KIF6: variants seen among roughly 807,000 people sequenced by gnomAD.
The protein encoded by KIF6 is kinesin family member 6.
In KIF6, 106 loss-of-function variants were observed where a neutral mutation model predicts 112.7. The observed-to-expected ratio is 0.94, with a 90% CI of 0.80 to 1.11. The LOEUF (loss-of-function observed/expected upper bound fraction) is 1.11, where lower values mean the gene tolerates loss of function less well. Ranked by LOEUF, KIF6 falls within the 50% of genes least tolerant of loss-of-function variation. The probability of loss-of-function intolerance (pLI) is 0.00; values close to 1 mark genes in which losing one functional copy is unlikely to be tolerated. For missense variants in KIF6, 929 were observed against 964.0 expected (o/e 0.96, Z 0.48); for synonymous variants, 339 against 339.9 (o/e 1.00, Z 0.03).
intron 10 of KIF6, among the ~76,000 whole-genome samples, chr6:39,568,182 C>T (rs73414695): frequency 0.018 from 2,797 of 152,240 alleles, 73 homozygotes; most frequent in African/African-American, 0.061. Flanking sequence ...GACAATGAAA[C>T]ATTAAACAGG....
chr6:39,501,631 A>C (rs2150492985), intron 13 of KIF6, among the ~76,000 whole-genome samples: 1 of 152,334 alleles, frequency 6.6e-6, no homozygotes, highest in South Asian at 2.1e-4. Flanking sequence ...TAGAGAGAGG[A>C]GCATAACCGA....
intron 13 of KIF6, among the ~76,000 whole-genome samples, chr6:39,447,241 G>A (rs1043051076): frequency 5.9e-5 from 9 of 152,098 alleles, no homozygotes; most frequent in African/African-American, 2.2e-4. Flanking sequence ...ACAGGACAGG[G>A]GCTTTCCACC....
intron 19 of KIF6, among the ~76,000 whole-genome samples, chr6:39,352,210 T>G (rs957037066): frequency 2.0e-5 from 3 of 152,376 alleles, no homozygotes; most frequent in African/African-American, 7.2e-5. Flanking sequence ...TCAGTTTTCC[T>G]TATTATTAAC....
At chr6:39,377,919 G>C (rs1766581529) in intron 16 of KIF6, among the ~76,000 whole-genome samples, 1 of 152,204 alleles carries the variant, frequency 6.6e-6, no homozygotes, top group African/African-American at 2.4e-5. Flanking sequence ...GCAGTGAGAA[G>C]AGGGAGGAGG....
At chr6:39,461,654 T>C (rs116231908) in intron 13 of KIF6, among the ~76,000 whole-genome samples, 15 of 152,322 alleles carry the variant, frequency 9.8e-5, no homozygotes, top group Non-Finnish European at 1.8e-4. Flanking sequence ...ACTATACTCA[T>C]TTGCATGTTT....
At chr6:39,698,875 T>A (rs1788706554) in intron 3 of KIF6, among the ~76,000 whole-genome samples, 1 of 152,216 alleles carries the variant, frequency 6.6e-6, no homozygotes, top group South Asian at 2.1e-4. Context: ...TTTTCATTAA[T>A]TAAAATCAAT....
At chr6:39,383,784 A>G (rs1767174368) in intron 16 of KIF6, among the ~76,000 whole-genome samples, 1 of 152,234 alleles carries the variant, frequency 6.6e-6, no homozygotes, top group Admixed American at 6.5e-5. Context: ...CCAATTCATG[A>G]GCATGGAATG....
At chr6:39,589,451 C>T (rs553923446) in intron 7 of KIF6, among the ~76,000 whole-genome samples, 10 of 152,344 alleles carry the variant, frequency 6.6e-5, no homozygotes, top group South Asian at 4.1e-4. Context: ...ACCCCCACTG[C>T]GGAGAACAGT....
Position 39,525,584 on chromosome 6 carries a change from G to A in KIF6, c.1645+14419C>T, listed in dbSNP as rs368529293. Among the ~76,000 whole-genome samples the A allele has an allele frequency of 6.6e-5, 10 of 151,996 alleles. No individual in the cohort carries two copies. The South Asian group carries it at 8.3e-4, about 13-fold the overall frequency. ...AGCCTGGCCAACATGGCAAAACCCCGTCTCTACTAAAAATACAAAAATTAG... is the reference window on the plus strand; with the variant it reads ...AGCCTGGCCAACATGGCAAAACCCCATCTCTACTAAAAATACAAAAATTAG... On this transcript the variant is annotated intron_variant, in intron 13 of 22. Transcript: ENST00000287152.
At chr6:39,510,016 G>C (rs1776673373) in intron 13 of KIF6, among the ~76,000 whole-genome samples, 1 of 151,936 alleles carries the variant, frequency 6.6e-6, no homozygotes, top group South Asian at 2.1e-4. Context: ...AAGCCCATCA[G>C]ACTAACAGCA....
At position 39,596,238 on chromosome 6, in the gene KIF6, G is replaced by A. The variant is rs747580524; in HGVS notation, c.662C>T (p.Thr221Ile). 3 of 1,613,878 alleles carry A rather than the reference G, an allele frequency of 1.9e-6. No individual in the cohort carries two copies. In the South Asian group the frequency reaches 3.3e-5, roughly 18 times the overall value. The change falls in exon 7 of 23, where the codon ACC becomes ATC. Residue 221 changes from threonine (T) to isoleucine (I), a missense_variant. This residue lies in a region of KIF6 where 688 missense variants were observed against 662.7 expected (regional missense o/e 1.04). Transcript: ENST00000287152. Reference protein sequence around the residue: ...IAETPMNQASTRSHCIFTIHL... With the variant: ...IAETPMNQASIRSHCIFTIHL... ...AATGGTGAAAATGCAGTGGGAACGGGTTGAAGCTTGGTTCATAGGAGTCTA... is the reference window on the plus strand; with the variant it reads ...AATGGTGAAAATGCAGTGGGAACGGATTGAAGCTTGGTTCATAGGAGTCTA...
chr6:39,565,659 A>G (rs1329234717), intron 10 of KIF6, among the ~76,000 whole-genome samples: 2 of 152,234 alleles, frequency 1.3e-5, no homozygotes, highest in Non-Finnish European at 1.5e-5. Flanking sequence ...CTACCTCAAA[A>G]CAAAGCAAAA....
intron 13 of KIF6, among the ~76,000 whole-genome samples, chr6:39,468,791 A>C (rs996767178): frequency 3.9e-5 from 6 of 152,028 alleles, no homozygotes; most frequent in Non-Finnish European, 8.8e-5. Flanking sequence ...CACCAGTAAA[A>C]GTAATTATAT....
intron 3 of KIF6, among the ~76,000 whole-genome samples, chr6:39,643,203 G>A (rs1312387610): frequency 6.6e-6 from 1 of 152,128 alleles, no homozygotes; most frequent in Non-Finnish European, 1.5e-5. Flanking sequence ...AGTTCAGCAG[G>A]ATTGTAGGGT....
chr6:39,343,014 C>T lies in KIF6; in HGVS notation c.2428+695G>A. On this transcript the variant is annotated intron_variant, in intron 22 of 22. Coordinates refer to ENST00000287152, the MANE Select transcript of KIF6 (RefSeq NM_145027.6). This position sits in a 1 kb window ranked among gnomAD's most constrained non-coding sequence, Gnocchi z 4.1. Reference sequence around the variant, plus strand: ...TAGCCTTTGGGTTATGGGGAGGAGGCTAAGACAAAATGCAGGCCTGGGGTA... The same window carrying T: ...TAGCCTTTGGGTTATGGGGAGGAGGTTAAGACAAAATGCAGGCCTGGGGTA... 1.0e-6 allele frequency: 1 copy of T among 985,400 alleles called. No individual in the cohort carries two copies. The highest frequency in any genetic ancestry group is 1.2e-6 in the Non-Finnish European group (1 of 829,924). The allele number at this position is 985,400 out of a possible 1,614,324, so 61.0% of individuals were successfully genotyped here.
chr6:39,416,622 G>A (rs929252438), intron 15 of KIF6, among the ~76,000 whole-genome samples: 1 of 152,090 alleles, frequency 6.6e-6, no homozygotes, highest in Non-Finnish European at 1.5e-5. Flanking sequence ...TAGTTGGGTT[G>A]GCTTCTTTTA....
chr6:39,662,709 A>G (rs760052576), intron 3 of KIF6, among the ~76,000 whole-genome samples: 4 of 152,004 alleles, frequency 2.6e-5, no homozygotes, highest in Non-Finnish European at 4.4e-5. Flanking sequence ...CCCTATCTCA[A>G]AAAAAATTAT....
At chr6:39,601,442 G>A (rs1782566002) in intron 6 of KIF6, among the ~76,000 whole-genome samples, 1 of 152,034 alleles carries the variant, frequency 6.6e-6, no homozygotes, top group African/African-American at 2.4e-5. Flanking sequence ...AATTAAACTA[G>A]CATGCTCCCT....
intron 7 of KIF6, 101 bp from the exon 8 acceptor site, chr6:39,586,505 T>A: frequency 2.2e-6 from 2 of 925,008 alleles, no homozygotes; most frequent in South Asian, 3.0e-5. Flanking sequence ...AAGGAAATAA[T>A]AACTAAATGC....
Sources: allele counts gnomAD v4.1 joint callset (sites outside exome capture counted in the v4.1 genomes callset), GRCh38; gene constraint gnomAD v4.1.1; regional missense constraint gnomAD v4.1.1; non-coding constraint Gnocchi (gnomAD v3.1); transcripts MANE v1.5; gene names NCBI Gene and HGNC (gene_info 2026-07-23, HGNC 2026-07-21).